The following ANOS1 variants were observed in gnomAD, a reference collection of about 807,000 sequenced individuals.
ANOS1 encodes anosmin-1.
Under a neutral mutation model 59.0 loss-of-function variants are expected in ANOS1, and 6 were observed. That is an observed-to-expected ratio of 0.10 (90% CI 0.06 to 0.20). ANOS1 has a LOEUF of 0.20. Among genes scored for constraint, ANOS1 ranks in the 10% least tolerant of loss-of-function variants. The pLI is 1.00. For synonymous variants in ANOS1, 217 were observed against 223.4 expected, an observed-to-expected ratio of 0.97 and a Z score of 0.25; for missense variants, 433 against 542.3, an observed-to-expected ratio of 0.80 and a Z score of 2.00.
intron 2 of ANOS1, among the ~76,000 whole-genome samples, chrX:8,677,738 A>G (rs1932358914): frequency 1.8e-5 from 2 of 112,173 alleles, no homozygotes; most frequent in African/African-American, 6.5e-5. Flanking sequence ...CATATGTTAA[A>G]CAATGTAAGC....
At chrX:8,659,619 TTCCTTCCTTCC>T (rs751131925) in intron 2 of ANOS1, among the ~76,000 whole-genome samples, 21,316 of 95,438 alleles carry the variant, frequency 0.22, 2,022 homozygotes, top group East Asian at 0.45. Flanking sequence ...CCTTCCTTCC[TTCCTTCCTTCC>T]TTCTTTCTTT....
intron 7 of ANOS1, among the ~76,000 whole-genome samples, chrX:8,569,630 A>T (rs1234419073): frequency 1.8e-5 from 2 of 111,997 alleles, no homozygotes; most frequent in Non-Finnish European, 3.8e-5. Flanking sequence ...AGACAGAGCG[A>T]GACTCCCTCT....
rs73472340 is a variant in ANOS1, at chrX:8,556,132, G to A, written c.1208-2034C>T. 2.7e-3 allele frequency among the ~76,000 whole-genome samples: 302 copies of A among 111,780 alleles called. 2 individuals are homozygous for A. Among genetic ancestry groups the A allele is most frequent in the African/African-American group, 9.0e-3 (276 of 30,765 alleles). On this transcript the variant is annotated intron_variant, in intron 8 of 13. Transcript: ENST00000262648. ...AAGGCCTTCAATAAAATTCAGCACC[G>A]CTTCATGCCTAAAAACTCTCAATAA...
At chrX:8,706,317 A>T (rs1269327940) in intron 1 of ANOS1, among the ~76,000 whole-genome samples, 1 of 112,430 alleles carries the variant, frequency 8.9e-6, no homozygotes, top group Admixed American at 9.4e-5. Context: ...AATGGAACTG[A>T]ACATTTGAAA....
At chrX:8,694,249 G>C (rs1932650822) in intron 2 of ANOS1, among the ~76,000 whole-genome samples, 1 of 111,692 alleles carries the variant, frequency 9.0e-6, no homozygotes, top group Non-Finnish European at 1.9e-5. Flanking sequence ...TGTTAAACTA[G>C]AAACATAAAT....
intron 9 of ANOS1, among the ~76,000 whole-genome samples, chrX:8,543,007 T>TAC (rs1350184667): frequency 9.0e-6 from 1 of 110,537 alleles, no homozygotes; most frequent in Non-Finnish European, 1.9e-5. Context: ...ATTCTGTGGT[T>TAC]ACTTCATGAA....
intron 4 of ANOS1, among the ~76,000 whole-genome samples, chrX:8,592,325 A>C (rs1462444764): frequency 8.9e-6 from 1 of 111,865 alleles, no homozygotes; most frequent in Non-Finnish European, 1.9e-5. Flanking sequence ...GTATAAATCT[A>C]TTTCCAGAGG....
At chrX:8,649,872 T>A (rs1286169579) in intron 2 of ANOS1, among the ~76,000 whole-genome samples, 1 of 112,544 alleles carries the variant, frequency 8.9e-6, no homozygotes, top group East Asian at 2.8e-4. Flanking sequence ...GGCCCCTCAC[T>A]TGTAGGAGCC....
At chrX:8,714,871 CA>C (rs1932833077) in intron 1 of ANOS1, among the ~76,000 whole-genome samples, 1 of 111,931 alleles carries the variant, frequency 8.9e-6, no homozygotes, top group Non-Finnish European at 1.9e-5. Context: ...CAGAATAATT[CA>C]TCAAACTAAA....
chrX:8,625,978 G>C (rs1931383387), intron 2 of ANOS1, among the ~76,000 whole-genome samples: 2 of 107,764 alleles, frequency 1.9e-5, no homozygotes, highest in Non-Finnish European at 1.9e-5. Flanking sequence ...TGGGTGTGGT[G>C]GTGGGCGCCT....
chrX:8,685,070 C>T (rs1023898740), intron 2 of ANOS1, among the ~76,000 whole-genome samples: 2 of 111,061 alleles, frequency 1.8e-5, no homozygotes, highest in East Asian at 2.8e-4. Flanking sequence ...GCAAACAGTG[C>T]TCCTTATGTG....
chrX:8,600,058 C>T (rs1385969244), intron 3 of ANOS1, among the ~76,000 whole-genome samples: 3 of 112,043 alleles, frequency 2.7e-5, no homozygotes, highest in Non-Finnish European at 5.6e-5. Context: ...GAATAAACTA[C>T]AATTTCAACG....
intron 2 of ANOS1, among the ~76,000 whole-genome samples, chrX:8,667,446 C>G (rs1301894802): frequency 9.0e-6 from 1 of 111,103 alleles, no homozygotes; most frequent in African/African-American, 3.3e-5. Flanking sequence ...AAGGTGTGCA[C>G]CACTGTGCGA....
chrX:8,686,173 T>C (rs751269196), intron 2 of ANOS1, among the ~76,000 whole-genome samples: 2 of 112,537 alleles, frequency 1.8e-5, no homozygotes, highest in South Asian at 3.7e-4. Flanking sequence ...GGTATGAATA[T>C]AGATGTCTTG....
chrX:8,667,855 G>T (rs747239724), intron 2 of ANOS1, among the ~76,000 whole-genome samples: 1 of 110,554 alleles, frequency 9.0e-6, no homozygotes, highest in Admixed American at 9.7e-5. Flanking sequence ...GAGAGTGGGG[G>T]AGCTGAGAGC....
chrX:8,616,101 T>C (rs766047680), intron 3 of ANOS1, among the ~76,000 whole-genome samples: 3 of 110,640 alleles, frequency 2.7e-5, no homozygotes, highest in Non-Finnish European at 3.8e-5. Flanking sequence ...CTCTGTTTCC[T>C]CCAACCATTT....
At chrX:8,608,996 T>C (rs192557649) in intron 3 of ANOS1, among the ~76,000 whole-genome samples, 280 of 112,278 alleles carry the variant, frequency 2.5e-3, no homozygotes, top group African/African-American at 8.4e-3. Flanking sequence ...AACAGACCAA[T>C]ACACTAATGT....
intron 2 of ANOS1, among the ~76,000 whole-genome samples, chrX:8,639,726 T>C (rs906682153): frequency 1.2e-4 from 13 of 112,171 alleles, no homozygotes; most frequent in African/African-American, 4.2e-4. Flanking sequence ...GGCAAAAATA[T>C]CAGAATGGCA....
intron 3 of ANOS1, among the ~76,000 whole-genome samples, chrX:8,609,624 T>C (rs1470003916): frequency 9.0e-6 from 1 of 111,460 alleles, no homozygotes; most frequent in Non-Finnish European, 1.9e-5. Flanking sequence ...CAAATAACAG[T>C]AATTTTGCCA....
Sources: allele counts gnomAD v4.1 joint callset (sites outside exome capture counted in the v4.1 genomes callset), GRCh38; gene constraint gnomAD v4.1.1; transcripts MANE v1.5; gene names NCBI Gene and HGNC (gene_info 2026-07-23, HGNC 2026-07-21).